ZUP1: variants seen among roughly 807,000 people sequenced by gnomAD.
ZUP1 encodes the protein zinc finger-containing ubiquitin peptidase 1.
A neutral mutation model predicts 68.1 loss-of-function variants in ZUP1; 55 were observed. That is an observed-to-expected ratio of 0.81 (90% CI 0.65 to 1.01). The LOEUF (loss-of-function observed/expected upper bound fraction) is 1.01. Ranked by LOEUF, ZUP1 falls within the 50% of genes least tolerant of loss-of-function variation. ZUP1 has a pLI of 0.00. For missense variants in ZUP1, 684 were observed against 674.9 expected (o/e 1.01, Z -0.15); for synonymous variants, 223 against 221.5 (o/e 1.01, Z -0.06).
At position 116,656,734 on chromosome 6, in the gene ZUP1, A is replaced by C. The variant is rs1323001135; in HGVS notation, c.911T>G (p.Met304Arg). 1 of 1,612,642 alleles carries C rather than the reference A, an allele frequency of 6.2e-7. No individual in the cohort carries two copies. The highest frequency in any genetic ancestry group is 1.7e-5 in the Admixed American group (1 of 59,810). Residue 304 changes from methionine to arginine, a missense_variant, in exon 5 of 10, where the codon ATG becomes AGG. Transcript: ENST00000368576. ...AAAACCAAGAGCTAATGATTCCATCATATCAGCTTTTCTCCTATGAAATTC... is the reference window on the plus strand; with the variant it reads ...AAAACCAAGAGCTAATGATTCCATCCTATCAGCTTTTCTCCTATGAAATTC... The part of the protein sequence containing the change: ...PSEFHRRKAD[M>R]MESLALGFDD...
intron 8 of ZUP1, among the ~76,000 whole-genome samples, chr6:116,646,705 G>A (rs1776320557): frequency 5.9e-5 from 9 of 152,246 alleles, no homozygotes; most frequent in Admixed American, 5.9e-4. Flanking sequence ...CTCCTGAGTA[G>A]CTAGGACTAC....
chr6:116,642,647 T>C (rs1776145154), intron 9 of ZUP1, among the ~76,000 whole-genome samples: 1 of 152,196 alleles, frequency 6.6e-6, no homozygotes, highest in Admixed American at 6.5e-5. Context: ...CACTTCATGC[T>C]AAAAACTCTC....
At chr6:116,649,133 A>T (rs1292747717) in intron 7 of ZUP1, among the ~76,000 whole-genome samples, 2 of 152,194 alleles carry the variant, frequency 1.3e-5, no homozygotes, top group African/African-American at 4.8e-5. Flanking sequence ...TAAATAATTC[A>T]AGAAAGTTAT....
intron 9 of ZUP1, 116 bp downstream of exon 9, chr6:116,645,598 A>G (rs532397551): frequency 1.5e-4 from 124 of 815,136 alleles, no homozygotes; most frequent in Admixed American, 2.0e-4. Flanking sequence ...AAAAAAAAAA[A>G]AAAGAAAAAG....
intron 2 of ZUP1, among the ~76,000 whole-genome samples, chr6:116,664,688 T>C (rs1222153017): frequency 1.3e-5 from 2 of 152,074 alleles, no homozygotes; most frequent in Non-Finnish European, 1.5e-5. Flanking sequence ...AGTGGTGGTG[T>C]AATAAGGGAA....
At chr6:116,647,414 A>T in intron 8 of ZUP1, 45 bp downstream of exon 8, 1 of 1,412,106 alleles carries the variant, frequency 7.1e-7, no homozygotes, top group Non-Finnish European at 9.4e-7. Flanking sequence ...ACAATTTGTT[A>T]TCTTATAAAC....
At chr6:116,650,422 CAAAAA>C (rs61692064) in intron 7 of ZUP1, among the ~76,000 whole-genome samples, 1 of 46,552 alleles carries the variant, frequency 2.1e-5, no homozygotes, top group South Asian at 9.3e-4. Flanking sequence ...AACTCCGTCT[CAAAAA>C]AAAAAAAAAA....
intron 5 of ZUP1, among the ~76,000 whole-genome samples, chr6:116,655,728 A>G (rs1776643091): frequency 6.6e-6 from 1 of 152,250 alleles, no homozygotes. Context: ...TGGCAAAGTC[A>G]CTGTAACTTC....
chr6:116,647,531 A>C lies in ZUP1; in HGVS notation c.1396T>G (p.Tyr466Asp). 1 of 1,603,410 alleles carries C rather than the reference A, an allele frequency of 6.2e-7. No homozygotes were observed. Among genetic ancestry groups the C allele is most frequent in the Non-Finnish European group, 8.5e-7 (1 of 1,172,644 alleles). The change falls in exon 8 of 10, where the codon TAT (tyrosine) becomes GAT (aspartate). Residue 466 changes from tyrosine to aspartate, a missense_variant. By Grantham distance (160) the Tyr-to-Asp change is radical. Coordinates refer to ENST00000368576, the MANE Select transcript of ZUP1 (RefSeq NM_145062.3). ...PRLFEWILNYYSSEGEGSPKV... is the reference protein window; with the variant it reads ...PRLFEWILNYDSSEGEGSPKV... ...GGACTCCCTTCTCCCTCTGAAGAAT[A>C]ATAGTTCAATATCCATTCAAATAAG...
At chr6:116,661,405 G>T (rs1032412293) in intron 2 of ZUP1, among the ~76,000 whole-genome samples, 4 of 152,104 alleles carry the variant, frequency 2.6e-5, no homozygotes, top group Non-Finnish European at 5.9e-5. Flanking sequence ...AACAAGAGAA[G>T]CAGAAAGGAA....
At chr6:116,648,303 G>C (rs2115393116) in intron 7 of ZUP1, among the ~76,000 whole-genome samples, 1 of 152,276 alleles carries the variant, frequency 6.6e-6, no homozygotes, top group Middle Eastern at 3.4e-3. Flanking sequence ...ATAACTAAAA[G>C]CATTTGATAG....
intron 2 of ZUP1, among the ~76,000 whole-genome samples, chr6:116,662,401 G>T (rs1353646170): frequency 6.6e-6 from 1 of 152,144 alleles, no homozygotes; most frequent in Admixed American, 6.5e-5. Flanking sequence ...TTTACCACCA[G>T]AATCTAAACT....
intron 5 of ZUP1, among the ~76,000 whole-genome samples, chr6:116,655,039 A>G (rs949712716): frequency 2.0e-5 from 3 of 152,138 alleles, no homozygotes; most frequent in Admixed American, 2.0e-4. Context: ...TTCATAAATT[A>G]TAAGAGTAGA....
intron 1 of ZUP1, among the ~76,000 whole-genome samples, chr6:116,668,306 G>T (rs1351318240): frequency 1.3e-5 from 2 of 152,216 alleles, no homozygotes; most frequent in African/African-American, 4.8e-5. Context: ...GTCAGACACA[G>T]AATGATGAAC....
At chr6:116,663,272 A>T (rs1187050823) in intron 2 of ZUP1, among the ~76,000 whole-genome samples, 1 of 152,060 alleles carries the variant, frequency 6.6e-6, no homozygotes, top group East Asian at 1.9e-4. Flanking sequence ...GTTTTTCTTT[A>T]CTTTCCAGCC....
chr6:116,637,378 A>C (rs564637865), intron 9 of ZUP1, among the ~76,000 whole-genome samples: 22 of 152,208 alleles, frequency 1.4e-4, no homozygotes, highest in Admixed American at 1.2e-3. Context: ...CCCATAGTAC[A>C]GAATAAGCAT....
In ZUP1 at chr6:116,635,804, T is replaced by C; in HGVS notation, c.*28A>G. ...TTAGAAAACAAAGTATTGTTCTCAA[T>C]CACTGAAATGCTTAAATGCTTGATT... On this transcript the variant is annotated 3_prime_UTR_variant, in exon 10 of 10. Transcript: ENST00000368576. The C allele has an allele frequency of 1.3e-6, 2 of 1,583,748 alleles. No individual in the cohort carries two copies. The highest frequency in any genetic ancestry group is 8.6e-7 in the Non-Finnish European group (1 of 1,166,278).
intron 5 of ZUP1, among the ~76,000 whole-genome samples, chr6:116,654,864 A>C (rs1236414057): frequency 6.6e-6 from 1 of 152,090 alleles, no homozygotes; most frequent in African/African-American, 2.4e-5. Flanking sequence ...AAAAATTTAA[A>C]AGTGTCACCA....
At chr6:116,656,338 C>A (rs1050906778) in intron 5 of ZUP1, among the ~76,000 whole-genome samples, 2 of 151,386 alleles carry the variant, frequency 1.3e-5, no homozygotes, top group African/African-American at 4.8e-5. Flanking sequence ...CCTGTCTCAG[C>A]CTCCCAAAGT....
Sources: allele counts gnomAD v4.1 joint callset (sites outside exome capture counted in the v4.1 genomes callset), GRCh38; gene constraint gnomAD v4.1.1; transcripts MANE v1.5; gene names NCBI Gene and HGNC (gene_info 2026-07-23, HGNC 2026-07-21).